Variants in HDLBP observed in about 807,000 individuals in gnomAD.
HDLBP encodes the protein vigilin.
HDLBP carries 30 observed loss-of-function variants against 137.3 expected under a neutral mutation model. The ratio of observed to expected loss-of-function variants is 0.22; its 90% confidence interval spans 0.16 to 0.30. The LOEUF (loss-of-function observed/expected upper bound fraction) is 0.30. HDLBP is among the 10% of genes least tolerant of loss of function. The pLI is 1.00. For missense variants in HDLBP, 1,119 were observed against 1,667.3 expected, an observed-to-expected ratio of 0.67 and a Z score of 5.73; for synonymous variants, 606 against 596.0, an observed-to-expected ratio of 1.02 and a Z score of -0.24.
intron 1 of HDLBP, among the ~76,000 whole-genome samples, chr2:241,278,608 A>G (rs1381810500): frequency 6.6e-6 from 1 of 152,118 alleles, no homozygotes; most frequent in Non-Finnish European, 1.5e-5. Flanking sequence ...TCAAATGAAG[A>G]ATCTCAACTA....
intron 10 of HDLBP, 121 bp downstream of exon 10, chr2:241,253,272 G>T: frequency 1.3e-6 from 1 of 785,422 alleles, no homozygotes. Flanking sequence ...TACTCACCCA[G>T]CTAGGATGCC....
chr2:241,260,307 G>T (rs998269590), intron 5 of HDLBP, among the ~76,000 whole-genome samples: 2 of 152,114 alleles, frequency 1.3e-5, no homozygotes, highest in Non-Finnish European at 2.9e-5. Flanking sequence ...CACCTGGCCA[G>T]AAGGTATTGA....
At chr2:241,286,636 C>T (rs2074821393) in intron 1 of HDLBP, among the ~76,000 whole-genome samples, 1 of 152,198 alleles carries the variant, frequency 6.6e-6, no homozygotes, top group Non-Finnish European at 1.5e-5. Flanking sequence ...CCACCTTGGG[C>T]ACACGTCATC....
Position 241,272,159 on chromosome 2 carries a change from G to T in HDLBP, c.-102-3618C>A. 1.0e-6 allele frequency: 1 copy of T among 984,978 alleles called. No individual in the cohort carries two copies. Among genetic ancestry groups the T allele is most frequent in the Non-Finnish European group, 1.2e-6 (1 of 829,554 alleles). 61.0% of individuals were successfully genotyped at this position (984,978 alleles called of 1,614,324 possible). Reference sequence around the variant, plus strand: ...AAGAAGAGCAGCTTTCCCCACCCCCGAACACGTAGACTGACGCGGGCCCCG... The same window carrying T: ...AAGAAGAGCAGCTTTCCCCACCCCCTAACACGTAGACTGACGCGGGCCCCG... On this transcript the variant is annotated intron_variant, in intron 1 of 27. Transcript: ENST00000310931. The surrounding 1 kb of genome is among the most constrained non-coding windows in gnomAD (Gnocchi z 5.6).
At chr2:241,262,644 G>T in intron 5 of HDLBP, 67 bp downstream of exon 5, 2 of 1,237,804 alleles carry the variant, frequency 1.6e-6, no homozygotes, top group East Asian at 2.3e-5. Context: ...GTTCTAGCCT[G>T]CATCAGGAGC....
chr2:241,295,662 T>C (rs1010210124), intron 1 of HDLBP, among the ~76,000 whole-genome samples: 2 of 152,138 alleles, frequency 1.3e-5, no homozygotes, highest in African/African-American at 4.8e-5. Flanking sequence ...TCCCTGAAAT[T>C]TGTTTTACTT....
At chr2:241,273,069 A>AC (rs1228335971) in intron 1 of HDLBP, 12 of 985,422 alleles carry the variant, frequency 1.2e-5, no homozygotes, top group Non-Finnish European at 1.3e-5. Flanking sequence ...CCCCGCAAGA[A>AC]CCCGAGTGGA....
chr2:241,230,406 GTC>G lies in HDLBP; in HGVS notation c.3475-139_3475-138del. Reference sequence around the variant, plus strand: ...TGGTTTCAGAGTTGTTCTGAAGTCAGTCAGCCTCATCACCACACCAAGTTAGG... The same window carrying G: ...TGGTTTCAGAGTTGTTCTGAAGTCAGAGCCTCATCACCACACCAAGTTAGG... On this transcript the variant is annotated intron_variant, in intron 25 of 27. Coordinates refer to ENST00000310931, the MANE Select transcript of HDLBP (RefSeq NM_005336.6). This position sits in a 1 kb window ranked among gnomAD's most constrained non-coding sequence, Gnocchi z 5.0. 3.1e-6 allele frequency: 2 copies of G among 642,830 alleles called. No homozygotes were observed. Among genetic ancestry groups the G allele is most frequent in the Non-Finnish European group, 5.4e-6 (2 of 369,428 alleles). 39.8% of individuals were successfully genotyped at this position (642,830 alleles called of 1,614,324 possible).
intron 9 of HDLBP, among the ~76,000 whole-genome samples, chr2:241,254,360 T>G (rs191297558): frequency 6.6e-6 from 1 of 152,262 alleles, no homozygotes; most frequent in Non-Finnish European, 1.5e-5. Context: ...TTAAATATGA[T>G]GGTTGGATTC....
intron 1 of HDLBP, among the ~76,000 whole-genome samples, chr2:241,290,938 TGAAAA>T (rs1402576130): frequency 6.6e-6 from 1 of 152,150 alleles, no homozygotes; most frequent in Non-Finnish European, 1.5e-5. Flanking sequence ...ATATGTGCCA[TGAAAA>T]TGGCACTTAT....
chr2:241,271,716 C>G (rs1208519198), intron 1 of HDLBP, among the ~76,000 whole-genome samples: 1 of 152,146 alleles, frequency 6.6e-6, no homozygotes. Context: ...CAGACAGGAC[C>G]GGGTATGGAG....
rs2069594617 is a variant in HDLBP at position 241,230,359 on chromosome 2, A to G, written c.3475-90T>C. 1 of 848,160 alleles carries G rather than the reference A, an allele frequency of 1.2e-6. No individual in the cohort carries two copies. Among genetic ancestry groups the G allele is most frequent in the Admixed American group, 2.4e-5 (1 of 42,000 alleles). The allele number at this position is 848,160 out of a possible 1,614,324, so 52.5% of individuals were successfully genotyped here. A position where few individuals can be genotyped will look rare whatever the true frequency, so the allele number is the denominator to read the frequency against. ...TCAATTTCTAGTGAAGCATTTTCTG[A>G]GTTAGCAAACGTTTTAAAATCTGGT... On this transcript the variant is annotated intron_variant, in intron 25 of 27. Transcript: ENST00000310931. This position sits in a 1 kb window ranked among gnomAD's most constrained non-coding sequence, Gnocchi z 5.0.
intron 1 of HDLBP, chr2:241,273,579 T>C: frequency 2.0e-6 from 2 of 984,810 alleles, no homozygotes; most frequent in Non-Finnish European, 2.4e-6. Flanking sequence ...CACTGTTTCT[T>C]TTAAGGGTAT....
chr2:241,310,542 T>G (rs2075727866), intron 1 of HDLBP, among the ~76,000 whole-genome samples: 1 of 152,134 alleles, frequency 6.6e-6, no homozygotes, highest in South Asian at 2.1e-4. Flanking sequence ...CAAGTATAAT[T>G]TGTCAATTTA....
intron 5 of HDLBP, among the ~76,000 whole-genome samples, chr2:241,259,639 C>A (rs761547027): frequency 6.6e-6 from 1 of 152,148 alleles, no homozygotes; most frequent in African/African-American, 2.4e-5. Context: ...CAGGTGAGCA[C>A]GCCACCACTA....
intron 1 of HDLBP, among the ~76,000 whole-genome samples, chr2:241,290,615 G>GAA (rs199969641): frequency 4.8e-4 from 69 of 144,944 alleles, no homozygotes; most frequent in East Asian, 2.0e-3. Flanking sequence ...TGTCTCAAAG[G>GAA]AAAAAAAAAA....
At chr2:241,271,238 TC>T in intron 1 of HDLBP, 1 of 596,146 alleles carries the variant, frequency 1.7e-6, no homozygotes, top group Non-Finnish European at 2.1e-6. Context: ...TCAATCAGTG[TC>T]CAGGTCCACC....
In HDLBP at chr2:241,229,481, G is replaced by C. The variant is rs1398865051; in HGVS notation, c.*120C>G. 4.0e-6 allele frequency: 3 copies of C among 748,884 alleles called. No homozygotes were observed. Among genetic ancestry groups the C allele is most frequent in the Non-Finnish European group, 6.6e-6 (3 of 453,476 alleles). The allele number at this position is 748,884 out of a possible 1,614,324, so 46.4% of individuals were successfully genotyped here. A position where few individuals can be genotyped will look rare whatever the true frequency, so the allele number is the denominator to read the frequency against. ...GCGCTAGGCTCCCTGCGGGACCTCG[G>C]GAAGGGGGAAGAGCGTCAACAATTT... is the stretch of plus-strand genomic sequence containing the variant. On this transcript the variant is annotated 3_prime_UTR_variant, in exon 28 of 28. Transcript: ENST00000310931.
chr2:241,286,050 C>A (rs1033843808), intron 1 of HDLBP, among the ~76,000 whole-genome samples: 2 of 145,884 alleles, frequency 1.4e-5, no homozygotes, highest in Non-Finnish European at 3.1e-5. Flanking sequence ...GGAGGAAAAC[C>A]TTTAAAATCT....
Sources: allele counts gnomAD v4.1 joint callset (sites outside exome capture counted in the v4.1 genomes callset), GRCh38; gene constraint gnomAD v4.1.1; non-coding constraint Gnocchi (gnomAD v3.1); transcripts MANE v1.5; gene names NCBI Gene and HGNC (gene_info 2026-07-23, HGNC 2026-07-21).